The following LTBP1 variants were observed in gnomAD, a reference collection of about 807,000 sequenced individuals.
LTBP1 encodes the protein latent-transforming growth factor beta-binding protein 1.
A neutral mutation model predicts 207.6 loss-of-function variants in LTBP1; 129 were observed. That is an observed-to-expected ratio of 0.62 (90% CI 0.54 to 0.72). The LOEUF (loss-of-function observed/expected upper bound fraction) is 0.72. Among genes scored for constraint, LTBP1 ranks in the 30% least tolerant of loss-of-function variants. The pLI is 0.00. For synonymous variants in LTBP1, 963 were observed against 833.7 expected, an observed-to-expected ratio of 1.16 and a Z score of -2.67; for missense variants, 2,281 against 2,217.2, an observed-to-expected ratio of 1.03 and a Z score of -0.58.
At chr2:33,328,499 G>A (rs1470055508) in intron 24 of LTBP1, among the ~76,000 whole-genome samples, 1 of 152,180 alleles carries the variant, frequency 6.6e-6, no homozygotes, top group Non-Finnish European at 1.5e-5. Flanking sequence ...TACAGTCATG[G>A]TGGAAGGCAA....
intron 5 of LTBP1, among the ~76,000 whole-genome samples, chr2:33,182,735 CAGACAT>C (rs143312430): frequency 0.14 from 11,521 of 81,186 alleles, 2,412 homozygotes; most frequent in Admixed American, 0.23. Context: ...CACACACACA[CAGACAT>C]ATATATGTAT....
chr2:33,107,884 T>A (rs1364738350), intron 3 of LTBP1, among the ~76,000 whole-genome samples: 2 of 152,158 alleles, frequency 1.3e-5, no homozygotes, highest in East Asian at 3.9e-4. Flanking sequence ...ACTAATTTGA[T>A]GTTCACTGGT....
chr2:33,352,659 C>T (rs1309260933), intron 26 of LTBP1, among the ~76,000 whole-genome samples: 1 of 152,162 alleles, frequency 6.6e-6, no homozygotes, highest in Non-Finnish European at 1.5e-5. Flanking sequence ...TCGCCTCTCT[C>T]ATCAATTCCT....
chr2:33,321,047 TGATGGTG>T, intron 24 of LTBP1, among the ~76,000 whole-genome samples: 1 of 152,328 alleles, frequency 6.6e-6, no homozygotes, highest in South Asian at 2.1e-4. Flanking sequence ...TCTTGGATGA[TGATGGTG>T]ATATTATTTC....
intron 24 of LTBP1, among the ~76,000 whole-genome samples, chr2:33,332,657 C>T (rs754319709): frequency 6.6e-6 from 1 of 151,710 alleles, no homozygotes; most frequent in South Asian, 2.1e-4. Context: ...CCCGGGTTCA[C>T]GCCATTCTCC....
intron 2 of LTBP1, among the ~76,000 whole-genome samples, chr2:33,001,612 C>G (rs1224186607): frequency 7.4e-6 from 1 of 134,804 alleles, no homozygotes; most frequent in Non-Finnish European, 1.6e-5. Context: ...GATTATGGCT[C>G]AGTCCTGCTC....
intron 7 of LTBP1, among the ~76,000 whole-genome samples, chr2:33,192,720 T>A (rs1176885560): frequency 6.6e-6 from 1 of 152,152 alleles, no homozygotes; most frequent in Admixed American, 6.5e-5. Context: ...TATAACAGAG[T>A]GTCACAGACT....
intron 31 of LTBP1, among the ~76,000 whole-genome samples, chr2:33,379,678 C>G (rs1574086708): frequency 6.6e-6 from 1 of 152,276 alleles, no homozygotes; most frequent in East Asian, 1.9e-4. Flanking sequence ...ACAAAGAAAT[C>G]ATAAAACAGA....
chr2:33,397,082 G>T (rs1243502379), intron 32 of LTBP1, 51 bp from the exon 33 acceptor site: 2 of 1,558,792 alleles, frequency 1.3e-6, no homozygotes, highest in South Asian at 1.2e-5. Context: ...TTTACAAAAT[G>T]ATATAGGAAG....
intron 3 of LTBP1, among the ~76,000 whole-genome samples, chr2:33,031,100 T>A (rs751104933): frequency 2.6e-5 from 4 of 152,212 alleles, no homozygotes; most frequent in Admixed American, 2.6e-4. Flanking sequence ...ACTCTGGTTT[T>A]TTTTATGCTC....
At position 32,998,814 on chromosome 2, in the gene LTBP1, C is replaced by T. The variant is rs535675143; in HGVS notation, c.566-22095C>T. On this transcript the variant is annotated intron_variant, in intron 2 of 33. Coordinates refer to ENST00000404816, the MANE Select transcript of LTBP1 (RefSeq NM_206943.4). ...AGTTTGCAACCCAGAAGGGATCCCT[C>T]ACCAGAACCTGACTATGCTGGCACC... 7.2e-5 allele frequency among the ~76,000 whole-genome samples: 11 copies of T among 152,306 alleles called. No individual in the cohort carries two copies. The South Asian group carries it at 2.1e-3, about 29-fold the overall frequency.
intron 5 of LTBP1, among the ~76,000 whole-genome samples, chr2:33,180,944 G>T (rs1011128170): frequency 2.0e-5 from 3 of 152,110 alleles, no homozygotes; most frequent in African/African-American, 7.2e-5. Context: ...GCCTTTAAGG[G>T]AATATTATTC....
intron 10 of LTBP1, among the ~76,000 whole-genome samples, chr2:33,244,412 T>A (rs2092439147): frequency 6.6e-6 from 1 of 152,228 alleles, no homozygotes; most frequent in Non-Finnish European, 1.5e-5. Context: ...TTGTTTCTGA[T>A]AAGGGTAAAA....
chr2:33,057,239 G>T (rs2077046119), intron 3 of LTBP1, among the ~76,000 whole-genome samples: 1 of 151,938 alleles, frequency 6.6e-6, no homozygotes, highest in South Asian at 2.1e-4. Flanking sequence ...TAGAGACAGG[G>T]TGCTAATTGG....
At chr2:33,224,437 T>G (rs2091316271) in intron 9 of LTBP1, among the ~76,000 whole-genome samples, 1 of 152,218 alleles carries the variant, frequency 6.6e-6, no homozygotes, top group African/African-American at 2.4e-5. Context: ...TGTGTTTATT[T>G]GTTTGCCATT....
At chr2:33,069,828 C>T (rs1036214308) in intron 3 of LTBP1, among the ~76,000 whole-genome samples, 4 of 152,190 alleles carry the variant, frequency 2.6e-5, no homozygotes, top group Non-Finnish European at 5.9e-5. Flanking sequence ...AGTGGGTGGG[C>T]ACAGTGCTTA....
At chr2:32,998,471 G>A (rs1409130471) in intron 2 of LTBP1, among the ~76,000 whole-genome samples, 1 of 116,482 alleles carries the variant, frequency 8.6e-6, no homozygotes, top group East Asian at 2.9e-4. Context: ...AGCCAAGATC[G>A]CCACTGCACT....
At chr2:33,003,759 A>T (rs752119719) in intron 2 of LTBP1, among the ~76,000 whole-genome samples, 1 of 152,232 alleles carries the variant, frequency 6.6e-6, no homozygotes, top group African/African-American at 2.4e-5. Context: ...AAACCCTGAC[A>T]AATAGAGCTG....
chr2:33,008,508 C>G (rs1158033723), intron 2 of LTBP1, among the ~76,000 whole-genome samples: 1 of 152,104 alleles, frequency 6.6e-6, no homozygotes, highest in Non-Finnish European at 1.5e-5. Flanking sequence ...AAAAAATTAA[C>G]ACTGTGTGTA....
Sources: gnomAD v4.1 joint callset for allele counts (sites outside exome capture counted in the v4.1 genomes callset) on GRCh38, gnomAD v4.1.1 for gene constraint, MANE v1.5 for transcripts, NCBI Gene and HGNC (gene_info 2026-07-23, HGNC 2026-07-21) for gene names.